The following NCK2 variants were observed in gnomAD, a reference collection of about 807,000 sequenced individuals.
NCK2 encodes cytoplasmic protein NCK2.
Under a neutral mutation model 33.9 loss-of-function variants are expected in NCK2, and 16 were observed. The observed-to-expected ratio is 0.47, with a 90% CI of 0.32 to 0.72. The LOEUF (loss-of-function observed/expected upper bound fraction) is 0.72. Ranked by LOEUF, NCK2 falls within the 30% of genes least tolerant of loss-of-function variation. NCK2 has a pLI of 0.03. For missense variants in NCK2, 418 were observed against 537.3 expected, an observed-to-expected ratio of 0.78 and a Z score of 2.19; for synonymous variants, 273 against 239.9, an observed-to-expected ratio of 1.14 and a Z score of -1.27.
intron 2 of NCK2, among the ~76,000 whole-genome samples, chr2:105,839,505 G>A (rs1469624724): frequency 6.6e-6 from 1 of 152,132 alleles, no homozygotes. Flanking sequence ...TCAGATTGGG[G>A]GCTGGGTCAG....
At chr2:105,799,864 A>G (rs1401316838) in intron 1 of NCK2, among the ~76,000 whole-genome samples, 1 of 152,218 alleles carries the variant, frequency 6.6e-6, no homozygotes, top group African/African-American at 2.4e-5. Context: ...AGACAGGATC[A>G]GGGAATTTGA....
Position 105,752,987 on chromosome 2 carries a change from C to T in NCK2, c.-201+7849C>T, listed in dbSNP as rs554824780. Among the ~76,000 whole-genome samples, 15 of 152,288 alleles carry T rather than the reference C, an allele frequency of 9.8e-5. No individual in the cohort carries two copies. The South Asian group carries it at 1.0e-3, about 11-fold the overall frequency. On this transcript the variant is annotated intron_variant, in intron 1 of 4. Coordinates refer to ENST00000233154, the MANE Select transcript of NCK2 (RefSeq NM_003581.5). ...ACTCATTGAGTCCTCACCAACAGAA[C>T]GTGTGGTACTTTCTGTTTGTATCTT...
At position 105,851,265 on chromosome 2, in the gene NCK2, CT is replaced by C. The variant is rs775114112; in HGVS notation, c.-16-3769del. 1.2e-3 allele frequency among the ~76,000 whole-genome samples: 167 copies of C among 144,278 alleles called. 1 individual carries two copies. The highest frequency in any genetic ancestry group is 2.2e-3 in the African/African-American group (87 of 39,524). 94.7% of individuals were successfully genotyped at this position (144,278 alleles called of 152,430 possible). A position where few individuals can be genotyped will look rare whatever the true frequency, so the allele number is the denominator to read the frequency against. On this transcript the variant is annotated intron_variant, in intron 2 of 4. Coordinates refer to ENST00000233154, the MANE Select transcript of NCK2 (RefSeq NM_003581.5). ...AGTCGGTGTCCGGCACAGAGCTGAG[CT>C]TTTTTTTTTTTTTCTGAGACGGAGT...
intron 3 of NCK2, among the ~76,000 whole-genome samples, chr2:105,860,941 C>G (rs951236702): frequency 6.6e-6 from 1 of 151,400 alleles, no homozygotes; most frequent in African/African-American, 2.4e-5. Context: ...GCCCCAAGGG[C>G]ACTATTGCTA....
chr2:105,766,184 A>T (rs1216995923), intron 1 of NCK2, among the ~76,000 whole-genome samples: 1 of 152,136 alleles, frequency 6.6e-6, no homozygotes, highest in Admixed American at 6.5e-5. Flanking sequence ...TAGGAAGCAC[A>T]TTCTGGTAGC....
At chr2:105,825,403 G>T (rs575100773) in intron 2 of NCK2, among the ~76,000 whole-genome samples, 1 of 152,152 alleles carries the variant, frequency 6.6e-6, no homozygotes, top group South Asian at 2.1e-4. Context: ...TCCTTACAGC[G>T]AGCTGACCCT....
intron 3 of NCK2, among the ~76,000 whole-genome samples, chr2:105,860,139 A>C (rs768979880): frequency 5.3e-5 from 8 of 152,080 alleles, no homozygotes; most frequent in Non-Finnish European, 1.2e-4. Flanking sequence ...TTTTTTAAAA[A>C]ATAGAGCATG....
chr2:105,846,212 C>T (rs1364314746), intron 2 of NCK2, among the ~76,000 whole-genome samples: 1 of 151,982 alleles, frequency 6.6e-6, no homozygotes, highest in Non-Finnish European at 1.5e-5. Flanking sequence ...TGTAAAATAG[C>T]ATTTCCCAGA....
At chr2:105,772,790 A>C (rs929794557) in intron 1 of NCK2, among the ~76,000 whole-genome samples, 1 of 151,400 alleles carries the variant, frequency 6.6e-6, no homozygotes, top group Non-Finnish European at 1.5e-5. Flanking sequence ...GCTTCCTTTC[A>C]TCTGGGAACC....
Position 105,881,457 on chromosome 2 carries a change from A to G in NCK2, c.356A>G (p.Lys119Arg). The G allele has an allele frequency of 1.2e-6, 2 of 1,613,810 alleles. No individual in the cohort carries two copies. The highest frequency in any genetic ancestry group is 1.1e-5 in the South Asian group (1 of 91,090). The part of the protein sequence containing the change: ...IYDLNIPAFV[K>R]FAYVAEREDE... ...GACCTCAACATCCCGGCCTTCGTCA[A>G]GTTCGCCTATGTGGCCGAGCGGGAG... The change falls in exon 4 of 5, where the codon AAG becomes AGG. Residue 119 changes from lysine (K) to arginine (R), a missense_variant. Transcript: ENST00000233154.
chr2:105,862,771 A>C (rs1232053273), intron 3 of NCK2, among the ~76,000 whole-genome samples: 1 of 152,224 alleles, frequency 6.6e-6, no homozygotes, highest in Non-Finnish European at 1.5e-5. Flanking sequence ...GCTTAGTCTC[A>C]AATGGCTTGG....
At chr2:105,818,444 T>A (rs1055042626) in intron 2 of NCK2, among the ~76,000 whole-genome samples, 13 of 151,810 alleles carry the variant, frequency 8.6e-5, no homozygotes, top group African/African-American at 2.9e-4. Context: ...TATATATATA[T>A]AAAAAGATTT....
chr2:105,818,137 A>T (rs1198108427), intron 2 of NCK2, among the ~76,000 whole-genome samples: 3 of 151,966 alleles, frequency 2.0e-5, no homozygotes, highest in Admixed American at 6.6e-5. Context: ...AGGGACATGG[A>T]TGAAGCTGGA....
At chr2:105,826,011 A>G (rs1675925909) in intron 2 of NCK2, among the ~76,000 whole-genome samples, 1 of 152,192 alleles carries the variant, frequency 6.6e-6, no homozygotes, top group African/African-American at 2.4e-5. Context: ...GATGGTCTAC[A>G]TCCCTTAGAA....
intron 1 of NCK2, among the ~76,000 whole-genome samples, chr2:105,793,993 C>T (rs1312946601): frequency 6.6e-6 from 1 of 150,630 alleles, no homozygotes; most frequent in Non-Finnish European, 1.5e-5. Context: ...ATTATAAATT[C>T]ACATTGATAC....
chr2:105,785,192 A>G (rs7595710), intron 1 of NCK2, among the ~76,000 whole-genome samples: 35,055 of 152,020 alleles, frequency 0.23, 4,197 homozygotes, highest in Middle Eastern at 0.33. Flanking sequence ...GTTAGCCAGG[A>G]TGGTCTCCAT....
rs1676384504 is a variant in NCK2 at position 105,835,409 on chromosome 2, G to GTATATATATATACGTA, written c.-17+18808_-17+18809insCGTATATATATATATA. 1.2e-4 allele frequency among the ~76,000 whole-genome samples: 7 copies of GTATATATATATACGTA among 59,318 alleles called. No individual in the cohort carries two copies. In the East Asian group the frequency reaches 2.2e-3, roughly 18 times the overall value. 38.9% of individuals were successfully genotyped at this position (59,318 alleles called of 152,430 possible). A position where few individuals can be genotyped will look rare whatever the true frequency, so the allele number is the denominator to read the frequency against. ...TACACATATATATATATATATACGT[G>GTATATATATATACGTA]TATATATATATATATTTTTTTTTTG... is the stretch of plus-strand genomic sequence containing the variant. On this transcript the variant is annotated intron_variant, in intron 2 of 4. Transcript: ENST00000233154.
chr2:105,845,078 G>A (rs1255757207), intron 2 of NCK2, among the ~76,000 whole-genome samples: 1 of 151,970 alleles, frequency 6.6e-6, no homozygotes, highest in Non-Finnish European at 1.5e-5. Flanking sequence ...GGTGCAGAGG[G>A]GCTTTCTATA....
chr2:105,784,901 C>T (rs1690622453), intron 1 of NCK2, among the ~76,000 whole-genome samples: 1 of 152,236 alleles, frequency 6.6e-6, no homozygotes, highest in Non-Finnish European at 1.5e-5. Flanking sequence ...TAGGCAGCCT[C>T]CCAGTTTGAA....
Sources: allele counts gnomAD v4.1 joint callset (sites outside exome capture counted in the v4.1 genomes callset), GRCh38; gene constraint gnomAD v4.1.1; transcripts MANE v1.5; gene names NCBI Gene and HGNC (gene_info 2026-07-23, HGNC 2026-07-21).